The following ADORA1 variants were observed in gnomAD, a reference collection of about 807,000 sequenced individuals.
ADORA1 encodes adenosine A1 receptor.
In ADORA1, 6 loss-of-function variants were observed where a neutral mutation model predicts 19.9. The observed-to-expected ratio is 0.30, with a 90% confidence interval of 0.17 to 0.59. ADORA1 has a LOEUF of 0.59. Among genes scored for constraint, ADORA1 ranks in the 20% least tolerant of loss-of-function variants. The pLI is 0.87. For missense variants in ADORA1, 302 were observed against 439.2 expected (o/e 0.69, Z 2.79); for synonymous variants, 194 against 188.4 (o/e 1.03, Z -0.24).
At chr1:203,135,120 C>T (rs780889915) in intron 3 of ADORA1, among the ~76,000 whole-genome samples, 11 of 152,274 alleles carry the variant, frequency 7.2e-5, no homozygotes, top group Non-Finnish European at 1.0e-4. Flanking sequence ...TAGTCAATGT[C>T]GCTCTTTCTG....
intron 3 of ADORA1, among the ~76,000 whole-genome samples, chr1:203,155,450 G>A (rs1031077832): frequency 6.6e-6 from 1 of 152,122 alleles, no homozygotes; most frequent in East Asian, 1.9e-4. Context: ...TAGACAAGGA[G>A]AGGCCACCCC....
Position 203,165,911 on chromosome 1 carries a change from C to T in ADORA1, c.*11C>T. ...AGGCCTGATGACTAGACCCCGCCTT[C>T]CGCTCCCACCAGCCCACATCCAGTG... On this transcript the variant is annotated 3_prime_UTR_variant, in exon 4 of 4. Coordinates refer to ENST00000337894, the MANE Select transcript of ADORA1 (RefSeq NM_000674.3). This position sits in a 1 kb window ranked among gnomAD's most constrained non-coding sequence, Gnocchi z 5.9. The T allele has an allele frequency of 6.5e-7, 1 of 1,540,328 alleles. No individual in the cohort carries two copies.
intron 3 of ADORA1, 78 bp downstream of exon 3, chr1:203,129,260 A>G: frequency 6.5e-7 from 1 of 1,532,970 alleles, no homozygotes; most frequent in Middle Eastern, 1.8e-4. Context: ...GAAAAAAGGT[A>G]GAGCATAAGA....
chr1:203,145,816 G>A (rs1452591011), intron 3 of ADORA1, among the ~76,000 whole-genome samples: 2 of 152,204 alleles, frequency 1.3e-5, no homozygotes, highest in Non-Finnish European at 2.9e-5. Flanking sequence ...ATAGTGGCGG[G>A]TGTGTCTGTC....
intron 3 of ADORA1, among the ~76,000 whole-genome samples, chr1:203,151,017 G>A (rs2102754871): frequency 6.6e-6 from 1 of 152,278 alleles, no homozygotes. Context: ...ACCCCAGCGG[G>A]TGCCTTTGGG....
chr1:203,139,864 G>A (rs1047089227), intron 3 of ADORA1, among the ~76,000 whole-genome samples: 2 of 152,204 alleles, frequency 1.3e-5, no homozygotes, highest in Admixed American at 6.5e-5. Flanking sequence ...ACCCCACGTC[G>A]ATGTCCAGAG....
chr1:203,156,529 G>A lies in ADORA1; in HGVS notation c.342-8732G>A, dbSNP rs368219549. Among the ~76,000 whole-genome samples, 18 of 152,252 alleles carry A rather than the reference G, an allele frequency of 1.2e-4. No individual in the cohort carries two copies. The East Asian group carries it at 3.5e-3, about 29-fold the overall frequency. ...TGGAGTTCAGGGAGAGTGAAGTGGAGTTTAAGGTAAGGGGATGGGCCCTTC... is the reference window on the plus strand; with the variant it reads ...TGGAGTTCAGGGAGAGTGAAGTGGAATTTAAGGTAAGGGGATGGGCCCTTC... On this transcript the variant is annotated intron_variant, in intron 3 of 3. Transcript: ENST00000337894.
intron 3 of ADORA1, among the ~76,000 whole-genome samples, chr1:203,129,924 G>A (rs1654279303): frequency 6.6e-6 from 1 of 152,272 alleles, no homozygotes; most frequent in Admixed American, 6.5e-5. Context: ...TGGGTGGCCT[G>A]CTGGTGCCGT....
intron 3 of ADORA1, among the ~76,000 whole-genome samples, chr1:203,162,608 C>T (rs561041417): frequency 2.0e-5 from 3 of 152,298 alleles, no homozygotes; most frequent in East Asian, 3.9e-4. Flanking sequence ...TGAAGTTCCC[C>T]TTTTAAATCT....
In ADORA1 at chr1:203,151,788, GCATTCATTCATT is replaced by G. The variant is rs34226911; in HGVS notation, c.342-13451_342-13440del. Among the ~76,000 whole-genome samples, 54 of 151,326 alleles carry G rather than the reference GCATTCATTCATT, an allele frequency of 3.6e-4. No individual in the cohort carries two copies. In the East Asian group the frequency reaches 9.6e-3, roughly 27 times the overall value. On this transcript the variant is annotated intron_variant, in intron 3 of 3. Coordinates refer to ENST00000337894, the MANE Select transcript of ADORA1 (RefSeq NM_000674.3). ...CCCACAGCACACTTCATGCATGCAT[GCATTCATTCATT>G]CATTCATTCATTCATTCATTCTTAT...
At position 203,128,572 on chromosome 1, in the gene ADORA1, C is replaced by A; in HGVS notation, c.-58+140C>A. ...AAAAAAGCCAGTGGAGGAGTGAGCG[C>A]TGCTATTTTAAGTTGCTGAATGGAA... On this transcript the variant is annotated intron_variant, in intron 2 of 3. Coordinates refer to ENST00000337894, the MANE Select transcript of ADORA1 (RefSeq NM_000674.3). This position sits in a 1 kb window ranked among gnomAD's most constrained non-coding sequence, Gnocchi z 5.9. 2 of 878,244 alleles carry A rather than the reference C, an allele frequency of 2.3e-6. No homozygotes were observed. Among genetic ancestry groups the A allele is most frequent in the Non-Finnish European group, 3.3e-6 (2 of 604,416 alleles). 54.4% of individuals were successfully genotyped at this position (878,244 alleles called of 1,614,324 possible).
At chr1:203,140,083 G>GA (rs1652135533) in intron 3 of ADORA1, among the ~76,000 whole-genome samples, 1 of 152,184 alleles carries the variant, frequency 6.6e-6, no homozygotes, top group Non-Finnish European at 1.5e-5. Context: ...ATCACCACCC[G>GA]AAAGGGTTCA....
chr1:203,154,414 G>A (rs1019840112), intron 3 of ADORA1, among the ~76,000 whole-genome samples: 1 of 152,160 alleles, frequency 6.6e-6, no homozygotes, highest in Non-Finnish European at 1.5e-5. Context: ...CTTATACCAG[G>A]AATTGGTGAT....
chr1:203,155,243 T>C (rs946853118), intron 3 of ADORA1, among the ~76,000 whole-genome samples: 9 of 152,198 alleles, frequency 5.9e-5, no homozygotes, highest in South Asian at 4.1e-4. Flanking sequence ...GGTTTCACCA[T>C]GTTGGCCAGG....
rs1392703036 is a variant in ADORA1, at chr1:203,165,519, C to T, written c.600C>T (p.Tyr200=). ...CGCTTCTCCTCATGGTCCTCATCTA[C>T]CTGGAGGTCTTCTACCTAATCCGCA... ...LPPLLLMVLI[Y]LEVFYLIRKQ... Residue 200 remains tyrosine, a synonymous_variant, in exon 4 of 4, where the codon TAC becomes TAT. Transcript: ENST00000337894. The surrounding 1 kb of genome is among the most constrained non-coding windows in gnomAD (Gnocchi z 5.9). The T allele has an allele frequency of 1.2e-6, 2 of 1,613,574 alleles. No individual in the cohort carries two copies. Among genetic ancestry groups the T allele is most frequent in the Non-Finnish European group, 1.7e-6 (2 of 1,179,714 alleles).
intron 3 of ADORA1, among the ~76,000 whole-genome samples, chr1:203,143,772 G>C (rs966171575): frequency 2.0e-5 from 3 of 152,148 alleles, no homozygotes; most frequent in Admixed American, 2.0e-4. Flanking sequence ...GATGTAGAAC[G>C]AAGTTCACAT....
At chr1:203,134,158 G>A (rs1654431341) in intron 3 of ADORA1, among the ~76,000 whole-genome samples, 1 of 152,170 alleles carries the variant, frequency 6.6e-6, no homozygotes, top group African/African-American at 2.4e-5. Flanking sequence ...AGATTGGAGA[G>A]AGGAGGAGCT....
chr1:203,165,239 ACT>A lies in ADORA1; in HGVS notation c.342-19_342-18del. 1 of 1,595,366 alleles carries A rather than the reference ACT, an allele frequency of 6.3e-7. No individual in the cohort carries two copies. The highest frequency in any genetic ancestry group is 1.1e-5 in the South Asian group (1 of 88,764). ...AGGCAGCTGGGAGGCAGATCCTCAC[ACT>A]CTGCCCTCCTCTCCCCCAGGTACAA... On this transcript the variant is annotated intron_variant, in intron 3 of 3. Coordinates refer to ENST00000337894, the MANE Select transcript of ADORA1 (RefSeq NM_000674.3). This position sits in a 1 kb window ranked among gnomAD's most constrained non-coding sequence, Gnocchi z 5.9.
intron 3 of ADORA1, among the ~76,000 whole-genome samples, chr1:203,141,849 C>T (rs907585743): frequency 6.6e-6 from 1 of 152,130 alleles, no homozygotes; most frequent in Admixed American, 6.5e-5. Context: ...TCCCAAAGTG[C>T]TGGGATTACA....
Sources: allele counts gnomAD v4.1 joint callset (sites outside exome capture counted in the v4.1 genomes callset), GRCh38; gene constraint gnomAD v4.1.1; non-coding constraint Gnocchi (gnomAD v3.1); transcripts MANE v1.5; gene names NCBI Gene and HGNC (gene_info 2026-07-23, HGNC 2026-07-21).